GIGYF2: variants seen among roughly 807,000 people sequenced by gnomAD.
GIGYF2 encodes GRB10-interacting GYF protein 2.
GIGYF2 carries 25 observed loss-of-function variants against 208.1 expected under a neutral mutation model. That is an observed-to-expected ratio of 0.12 (90% CI 0.09 to 0.17). The LOEUF (loss-of-function observed/expected upper bound fraction) is 0.17, where lower values mean the gene tolerates loss of function less well. Among genes scored for constraint, GIGYF2 ranks in the 10% least tolerant of loss-of-function variants. The pLI is 1.00. For synonymous variants in GIGYF2, 534 were observed against 543.8 expected (o/e 0.98, Z 0.25); for missense variants, 1,302 against 1,579.4 (o/e 0.82, Z 2.98).
intron 8 of GIGYF2, among the ~76,000 whole-genome samples, chr2:232,780,551 AAAG>A (rs1420909108): frequency 6.6e-6 from 1 of 152,224 alleles, no homozygotes; most frequent in Non-Finnish European, 1.5e-5. Context: ...CTTTTCCCTG[AAAG>A]AAGAAGAAAG....
rs1294431764 is a variant in GIGYF2 at position 232,823,944 on chromosome 2, C to A, written c.2529+3959C>A. ...CTGTGTCACACTTCGGTAATTCTTG[C>A]AATGTTTCAGATTTTTTTTACTGTT... On this transcript the variant is annotated intron_variant, in intron 21 of 28. Coordinates refer to ENST00000373563, the MANE Select transcript of GIGYF2 (RefSeq NM_001103146.3). Among the ~76,000 whole-genome samples, 3 of 152,152 alleles carry A rather than the reference C, an allele frequency of 2.0e-5. No homozygotes were observed. In the South Asian group the frequency reaches 6.2e-4, roughly 32 times the overall value.
chr2:232,770,974 T>G, intron 8 of GIGYF2: 2 of 1,614,080 alleles, frequency 1.2e-6, no homozygotes, highest in Non-Finnish European at 1.7e-6. Context: ...ACTTGGACAG[T>G]CACCACTGGG....
At chr2:232,810,657 TG>T (rs1355334170) in intron 16 of GIGYF2, 1 of 157,814 alleles carries the variant, frequency 6.3e-6, no homozygotes, top group Non-Finnish European at 1.4e-5. Flanking sequence ...GGATGTATAT[TG>T]CTGCTTTTGC....
intron 8 of GIGYF2, among the ~76,000 whole-genome samples, chr2:232,771,607 T>TA (rs1699249100): frequency 6.6e-6 from 1 of 152,218 alleles, no homozygotes; most frequent in Admixed American, 6.5e-5. Flanking sequence ...GAATGACAGT[T>TA]AAAACATTGT....
chr2:232,858,527 A>C lies in GIGYF2; in HGVS notation c.*1667A>C, dbSNP rs188648725. On this transcript the variant is annotated 3_prime_UTR_variant, in exon 29 of 29. Coordinates refer to ENST00000373563, the MANE Select transcript of GIGYF2 (RefSeq NM_001103146.3). The stretch of plus-strand genomic sequence containing the variant: ...AATTCAAAAGTTGGGGGTGGGTAAG[A>C]GGGATAGTTAAAATGTTTACAAAAC... 2,238 of 456,476 alleles carry C rather than the reference A, an allele frequency of 4.9e-3. 24 individuals are homozygous for C. The highest frequency in any genetic ancestry group is 6.9e-3 in the Non-Finnish European group (1,568 of 226,782). The allele number at this position is 456,476 out of a possible 1,614,324, so 28.3% of individuals were successfully genotyped here. A position where few individuals can be genotyped will look rare whatever the true frequency, so the allele number is the denominator to read the frequency against.
chr2:232,857,135 G>A lies in GIGYF2; in HGVS notation c.*275G>A. The A allele has an allele frequency of 1.9e-6, 1 of 526,306 alleles. No individual in the cohort carries two copies. The highest frequency in any genetic ancestry group is 5.2e-4 in the Middle Eastern group (1 of 1,906). 32.6% of individuals were successfully genotyped at this position (526,306 alleles called of 1,614,324 possible). On this transcript the variant is annotated 3_prime_UTR_variant, in exon 29 of 29. Transcript: ENST00000373563. ...CAACAAGGCTGATTTTAGGCAGCAT[G>A]TGTTCACTGTGCTGTGATTTCATCT...
rs149682624 is a variant in GIGYF2, at chr2:232,839,866, G to T, written c.2784G>T (p.Thr928=). 7 of 1,613,874 alleles carry T rather than the reference G, an allele frequency of 4.3e-6. No individual in the cohort carries two copies. The highest frequency in any genetic ancestry group is 5.9e-6 in the Non-Finnish European group (7 of 1,179,918). ...LAQMKLPSSS[T]WGQQSNTTAC... is the part of the protein sequence containing the mutation. ...TTTGTTAGCTTCCTTCTTCTTCAAC[G>T]TGGGGCCAGCAGTCCAATACAACAG... The change falls in exon 23 of 29, where the codon ACG becomes ACT. Residue 928 remains threonine, a synonymous_variant. Transcript: ENST00000373563.
intron 2 of GIGYF2, among the ~76,000 whole-genome samples, chr2:232,712,586 GT>G: frequency 6.6e-6 from 1 of 152,318 alleles, no homozygotes; most frequent in South Asian, 2.1e-4. Flanking sequence ...GTCTGTGCAA[GT>G]GTCAACACAT....
chr2:232,803,019 C>T (rs1700448055), intron 14 of GIGYF2, among the ~76,000 whole-genome samples: 1 of 152,060 alleles, frequency 6.6e-6, no homozygotes, highest in African/African-American at 2.4e-5. Context: ...CCTGCCTCAG[C>T]CTCCTGAGTA....
chr2:232,722,292 A>G (rs1216836688), intron 2 of GIGYF2, among the ~76,000 whole-genome samples: 1 of 152,208 alleles, frequency 6.6e-6, no homozygotes, highest in Non-Finnish European at 1.5e-5. Context: ...AGTTACAGTC[A>G]TGGCAGAAGG....
In GIGYF2 at chr2:232,712,580, G is replaced by A. The variant is rs372281191; in HGVS notation, c.-44+9091G>A. Among the ~76,000 whole-genome samples the A allele has an allele frequency of 4.6e-5, 7 of 152,288 alleles. 1 individual carries two copies. In the South Asian group the frequency reaches 1.5e-3, roughly 32 times the overall value. ...AGTTTTCCCCATCACTGCACAGTCT[G>A]TGCAAGTGTCAACACATTGAAAAAT... On this transcript the variant is annotated intron_variant, in intron 2 of 28. Coordinates refer to ENST00000373563, the MANE Select transcript of GIGYF2 (RefSeq NM_001103146.3).
At chr2:232,818,666 C>A (rs1327093013) in intron 20 of GIGYF2, among the ~76,000 whole-genome samples, 1 of 152,008 alleles carries the variant, frequency 6.6e-6, no homozygotes, top group Non-Finnish European at 1.5e-5. Context: ...GAGTCTCACT[C>A]TGTCACCCAG....
At chr2:232,817,845 A>G (rs543364604) in intron 20 of GIGYF2, among the ~76,000 whole-genome samples, 1 of 152,278 alleles carries the variant, frequency 6.6e-6, no homozygotes, top group East Asian at 1.9e-4. Flanking sequence ...ACACGGGTGT[A>G]TAGATACCTG....
rs1690704744 is a variant in GIGYF2 at position 232,859,767 on chromosome 2, G to C, written c.*2907G>C. 6.6e-6 allele frequency: 1 copy of C among 152,262 alleles called. No individual in the cohort carries two copies. 9.4% of individuals were successfully genotyped at this position (152,262 alleles called of 1,614,324 possible). ...ACGTTGGCTGTAGGCTGGGAACTCA[G>C]CTGGGTTGATGACTGGAGGAGCTTA... On this transcript the variant is annotated 3_prime_UTR_variant, in exon 29 of 29. Coordinates refer to ENST00000373563, the MANE Select transcript of GIGYF2 (RefSeq NM_001103146.3).
intron 1 of GIGYF2, among the ~76,000 whole-genome samples, chr2:232,698,655 C>T (rs1695713251): frequency 6.6e-6 from 1 of 152,130 alleles, no homozygotes. Flanking sequence ...TGTGCTCAAA[C>T]TGGAATATGT....
chr2:232,796,350 G>T (rs1297032689), intron 14 of GIGYF2, 129 bp downstream of exon 14: 8 of 716,784 alleles, frequency 1.1e-5, no homozygotes. Flanking sequence ...GCGCACACAC[G>T]CAGACTAGAA....
intron 2 of GIGYF2, among the ~76,000 whole-genome samples, chr2:232,727,236 G>A (rs950883990): frequency 6.6e-6 from 1 of 152,082 alleles, no homozygotes; most frequent in African/African-American, 2.4e-5. Flanking sequence ...CAAAGTTCTG[G>A]GATTACAACA....
At chr2:232,744,181 A>G (rs1698064421) in intron 3 of GIGYF2, among the ~76,000 whole-genome samples, 1 of 152,174 alleles carries the variant, frequency 6.6e-6, no homozygotes, top group Non-Finnish European at 1.5e-5. Context: ...ACTATAAGAA[A>G]TGTTTAGTCT....
chr2:232,788,019 A>C (rs1699967897), intron 9 of GIGYF2: 1 of 154,376 alleles, frequency 6.5e-6, no homozygotes, highest in Non-Finnish European at 1.4e-5. Context: ...ATGCCTCATG[A>C]TAATCAGATG....
Sources: allele counts gnomAD v4.1 joint callset (sites outside exome capture counted in the v4.1 genomes callset), GRCh38; gene constraint gnomAD v4.1.1; transcripts MANE v1.5; gene names NCBI Gene and HGNC (gene_info 2026-07-23, HGNC 2026-07-21).